The following FOXJ3 variants were observed in gnomAD, a reference collection of about 807,000 sequenced individuals.
The protein encoded by FOXJ3 is forkhead box J3.
Under a neutral mutation model 76.1 loss-of-function variants are expected in FOXJ3, and 22 were observed. That is an observed-to-expected ratio of 0.29 (90% CI 0.21 to 0.41). The LOEUF (loss-of-function observed/expected upper bound fraction) is 0.41. Ranked by LOEUF, FOXJ3 falls within the 10% of genes least tolerant of loss-of-function variation. The pLI, the probability that FOXJ3 is intolerant of heterozygous loss-of-function variation, is 1.00. For synonymous variants in FOXJ3, 269 were observed against 261.2 expected (o/e 1.03, Z -0.29); for missense variants, 613 against 762.1 (o/e 0.80, Z 2.30).
intron 4 of FOXJ3, among the ~76,000 whole-genome samples, chr1:42,255,139 G>T (rs74665805): frequency 1.3e-5 from 2 of 152,106 alleles, no homozygotes; most frequent in African/African-American, 4.8e-5. Context: ...CGGGATTTAC[G>T]GTATAAGTAG....
chr1:42,248,736 T>TC (rs1348752767), intron 4 of FOXJ3, among the ~76,000 whole-genome samples: 3 of 145,072 alleles, frequency 2.1e-5, no homozygotes, highest in South Asian at 2.2e-4. Context: ...TTTTCTTTTT[T>TC]TTTTTTTTTT....
intron 1 of FOXJ3, among the ~76,000 whole-genome samples, chr1:42,326,441 T>C (rs914111025): frequency 6.6e-6 from 1 of 152,178 alleles, no homozygotes; most frequent in South Asian, 2.1e-4. Flanking sequence ...TTTTTTTCTA[T>C]GCAGATATAA....
intron 4 of FOXJ3, among the ~76,000 whole-genome samples, chr1:42,248,329 T>C (rs1258381842): frequency 6.6e-6 from 1 of 151,372 alleles, no homozygotes; most frequent in Non-Finnish European, 1.5e-5. Flanking sequence ...GGTCAGGAGA[T>C]CAAGACCAAC....
At chr1:42,221,079 G>A (rs147153427) in intron 5 of FOXJ3, among the ~76,000 whole-genome samples, 9 of 152,178 alleles carry the variant, frequency 5.9e-5, no homozygotes, top group East Asian at 5.8e-4. Flanking sequence ...ATTAATTTAC[G>A]TATTTTTAAT....
chr1:42,319,557 C>A (rs1018450593), intron 1 of FOXJ3, among the ~76,000 whole-genome samples: 1 of 152,038 alleles, frequency 6.6e-6, no homozygotes, highest in Non-Finnish European at 1.5e-5. Flanking sequence ...CTTTTCAAGG[C>A]AGGAGAAAAA....
chr1:42,221,487 G>T (rs1187212098), intron 5 of FOXJ3, among the ~76,000 whole-genome samples: 1 of 152,116 alleles, frequency 6.6e-6, no homozygotes, highest in East Asian at 1.9e-4. Context: ...AAAGGGTCTT[G>T]CTCTGTTGCT....
At chr1:42,228,094 CTT>C (rs1305340972) in intron 4 of FOXJ3, 128 bp from the exon 5 acceptor site, 9 of 432,860 alleles carry the variant, frequency 2.1e-5, no homozygotes, top group Non-Finnish European at 3.3e-5. Flanking sequence ...ACAAGAAACA[CTT>C]GTTTTGAACT....
intron 2 of FOXJ3, among the ~76,000 whole-genome samples, chr1:42,287,110 GT>G (rs1300642559): frequency 5.9e-5 from 9 of 151,766 alleles, no homozygotes; most frequent in Admixed American, 3.3e-4. Flanking sequence ...GGAGGCCAAA[GT>G]GGGCAGATCA....
intron 4 of FOXJ3, among the ~76,000 whole-genome samples, chr1:42,252,361 C>T (rs1650163092): frequency 6.6e-6 from 1 of 152,036 alleles, no homozygotes; most frequent in Admixed American, 6.6e-5. Context: ...GGAGAGTGTA[C>T]GTGTTGAGGA....
Position 42,195,083 on chromosome 1 carries a change from A to G in FOXJ3, c.760-19T>C, listed in dbSNP as rs1474567632. 6.3e-7 allele frequency: 1 copy of G among 1,576,906 alleles called. No individual in the cohort carries two copies. The highest frequency in any genetic ancestry group is 2.3e-5 in the East Asian group (1 of 44,140). ...TTGTCACCTAACATTAAAAGAAAACACAACTAATTCAGCCTCTCTACTAAT... is the reference window on the plus strand; with the variant it reads ...TTGTCACCTAACATTAAAAGAAAACGCAACTAATTCAGCCTCTCTACTAAT... On this transcript the variant is annotated intron_variant, in intron 7 of 12. Transcript: ENST00000361346.
chr1:42,212,957 C>CAAAAAAAAAAAA (rs1209892066), intron 5 of FOXJ3, among the ~76,000 whole-genome samples: 1 of 65,284 alleles, frequency 1.5e-5, no homozygotes, highest in African/African-American at 6.1e-5. Context: ...TTGTATCTAG[C>CAAAAAAAAAAAA]AAAAAAAAAA....
In FOXJ3 at chr1:42,231,265, G is replaced by A. The variant is rs1186256196; in HGVS notation, c.445-3299C>T. Among the ~76,000 whole-genome samples the A allele has an allele frequency of 4.6e-5, 7 of 152,142 alleles. No homozygotes were observed. In the East Asian group the frequency reaches 9.6e-4, roughly 21 times the overall value. On this transcript the variant is annotated intron_variant, in intron 4 of 12. Coordinates refer to ENST00000361346, the MANE Select transcript of FOXJ3 (RefSeq NM_014947.5). ...GGCGTGAACCCAGAAGGCAGAGCTC[G>A]CAGTGAGCCGAGATCACGCCACTGC...
At chr1:42,194,260 C>CAAT (rs1646607969) in intron 8 of FOXJ3, among the ~76,000 whole-genome samples, 1 of 152,076 alleles carries the variant, frequency 6.6e-6, no homozygotes, top group Non-Finnish European at 1.5e-5. Context: ...ACATTTTTAC[C>CAAT]CTCTGATTAA....
At chr1:42,199,058 A>T (rs751678687) in intron 7 of FOXJ3, 44 bp downstream of exon 7, 25 of 1,518,682 alleles carry the variant, frequency 1.6e-5, no homozygotes, top group Non-Finnish European at 2.3e-5. Flanking sequence ...AGTTTTAAGT[A>T]CTAAATGAAT....
chr1:42,246,111 A>G (rs1165803236), intron 4 of FOXJ3, among the ~76,000 whole-genome samples: 1 of 152,196 alleles, frequency 6.6e-6, no homozygotes, highest in Admixed American at 6.5e-5. Context: ...CAAAGATTTT[A>G]CGACTAAGAC....
At chr1:42,219,475 T>C (rs1296558977) in intron 5 of FOXJ3, among the ~76,000 whole-genome samples, 4 of 152,208 alleles carry the variant, frequency 2.6e-5, no homozygotes, top group African/African-American at 4.8e-5. Flanking sequence ...TTGGAACGTA[T>C]ACCCCTCAGG....
chr1:42,334,554 C>A (rs1656353587), intron 1 of FOXJ3, among the ~76,000 whole-genome samples: 1 of 152,236 alleles, frequency 6.6e-6, no homozygotes, highest in Admixed American at 6.5e-5. Flanking sequence ...AACGCAAGCA[C>A]CCTCGCATGG....
intron 6 of FOXJ3, among the ~76,000 whole-genome samples, chr1:42,199,636 A>AT (rs35943682): frequency 1.7e-4 from 25 of 149,948 alleles, no homozygotes; most frequent in African/African-American, 2.2e-4. Flanking sequence ...AAAAAAAAAG[A>AT]TTTTTTTTTT....
At chr1:42,182,144 A>T (rs1646337543) in intron 11 of FOXJ3, 120 bp from the exon 12 acceptor site, 2 of 603,778 alleles carry the variant, frequency 3.3e-6, no homozygotes, top group Non-Finnish European at 5.9e-6. Context: ...AATAAGGAGA[A>T]AGGGGGAAGA....
Sources: gnomAD v4.1 joint callset for allele counts (sites outside exome capture counted in the v4.1 genomes callset) on GRCh38, gnomAD v4.1.1 for gene constraint, MANE v1.5 for transcripts, NCBI Gene and HGNC (gene_info 2026-07-23, HGNC 2026-07-21) for gene names.